DNAH2: variants seen among roughly 807,000 people sequenced by gnomAD.
DNAH2 encodes the protein axonemal beta dynein heavy chain 2.
A neutral mutation model predicts 523.5 loss-of-function variants in DNAH2; 323 were observed. The observed-to-expected ratio is 0.62, with a 90% confidence interval of 0.56 to 0.68. The LOEUF (loss-of-function observed/expected upper bound fraction) is 0.68. Ranked by LOEUF, DNAH2 falls within the 30% of genes least tolerant of loss-of-function variation. DNAH2 has a pLI of 0.00. For missense variants in DNAH2, 4,907 were observed against 5,701.5 expected, an observed-to-expected ratio of 0.86 and a Z score of 4.49; for synonymous variants, 2,093 against 2,177.4, an observed-to-expected ratio of 0.96 and a Z score of 1.08.
rs773070889 is a variant in DNAH2 at position 7,774,873 on chromosome 17, A to C, written c.4616A>C (p.Asn1539Thr). 2 of 1,614,222 alleles carry C rather than the reference A, an allele frequency of 1.2e-6. No individual in the cohort carries two copies. The highest frequency in any genetic ancestry group is 3.3e-5 in the Admixed American group (2 of 60,020). Residue 1539 changes from asparagine to threonine, a missense_variant, in exon 29 of 86, where the codon AAT becomes ACT. Physicochemically the swap from Asn to Thr is moderately conservative, Grantham distance 65. Coordinates refer to ENST00000572933, the MANE Select transcript of DNAH2 (RefSeq NM_020877.5). The stretch of plus-strand genomic sequence containing the variant: ...TTCCCCCGCTTCTACTTCTTGTCCA[A>C]TGATGACCTGCTGGAGATTCTGGGC... ...HIFPRFYFLSNDDLLEILGQS... is the reference protein window; with the variant it reads ...HIFPRFYFLSTDDLLEILGQS...
At position 7,768,256 on chromosome 17, in the gene DNAH2, C is replaced by T. The variant is rs749665113; in HGVS notation, c.3930C>T (p.Ala1310=). 2.5e-6 allele frequency: 4 copies of T among 1,614,140 alleles called. No individual in the cohort carries two copies. Among genetic ancestry groups the T allele is most frequent in the East Asian group, 2.2e-5 (1 of 44,876 alleles). ...MPLISDLRNP[A]LRERHWDQVR... is the part of the protein sequence containing the mutation. ...TCATCTCAGACCTGCGGAACCCTGC[C>T]CTTAGAGAGAGGTGAGGCTTCTCCT... The change falls in exon 24 of 86, where the codon GCC becomes GCT. Residue 1310 remains alanine (A), a synonymous_variant. Coordinates refer to ENST00000572933, the MANE Select transcript of DNAH2 (RefSeq NM_020877.5).
At chr17:7,802,659 T>C (rs1362257434) in intron 58 of DNAH2, among the ~76,000 whole-genome samples, 1 of 152,050 alleles carries the variant, frequency 6.6e-6, no homozygotes, top group Non-Finnish European at 1.5e-5. Context: ...CAGATGCAAA[T>C]TTTTTTGCAA....
chr17:7,819,291 T>C lies in DNAH2; in HGVS notation c.10898T>C (p.Phe3633Ser). The change falls in exon 72 of 86, where the codon TTC becomes TCC. Residue 3633 changes from phenylalanine (F) to serine (S), a missense_variant. By Grantham distance (155) the Phe-to-Ser change is radical. Around this residue, in one of 3 missense-constraint regions of DNAH2, gnomAD observed 1,851 missense variants for 2,139.4 expected, o/e 0.87. Transcript: ENST00000572933. ...DMGCIDPMYQFSLDAYISLFI... is the reference protein window; with the variant it reads ...DMGCIDPMYQSSLDAYISLFI... Reference sequence around the variant, plus strand: ...GGCTGCATCGACCCCATGTACCAGTTCTCACTGGATGCCTACATCAGCCTC... The same window carrying C: ...GGCTGCATCGACCCCATGTACCAGTCCTCACTGGATGCCTACATCAGCCTC... The C allele has an allele frequency of 6.2e-7, 1 of 1,614,176 alleles. No homozygotes were observed. The highest frequency in any genetic ancestry group is 8.5e-7 in the Non-Finnish European group (1 of 1,180,022).
intron 84 of DNAH2, 60 bp from the exon 85 acceptor site, chr17:7,833,011 G>C (rs2078230407): frequency 1.9e-6 from 3 of 1,613,146 alleles, no homozygotes; most frequent in African/African-American, 2.7e-5. Context: ...GAGGGAGCAG[G>C]TCAGGGGCGC....
rs2151191159 is a variant in DNAH2 at position 7,757,202 on chromosome 17, T to C, written c.2016T>C (p.Arg672=). The part of the protein sequence containing the change: ...AERAEDLRIL[R]ENLLLVARDY... The stretch of plus-strand genomic sequence containing the variant: ...GAGCCGAGGACCTGCGCATTCTGCG[T>C]GAAAATCTGCTACTCGTTGCTAGAG... The change falls in exon 13 of 86, where the codon CGT becomes CGC. Residue 672 remains arginine, a synonymous_variant. Transcript: ENST00000572933. 2 of 1,614,180 alleles carry C rather than the reference T, an allele frequency of 1.2e-6. No homozygotes were observed. Among genetic ancestry groups the C allele is most frequent in the Non-Finnish European group, 1.7e-6 (2 of 1,180,018 alleles).
chr17:7,745,260 G>T (rs980933524), intron 12 of DNAH2, among the ~76,000 whole-genome samples: 5 of 152,090 alleles, frequency 3.3e-5, no homozygotes, highest in Admixed American at 1.3e-4. Context: ...CTCCCAAAGT[G>T]CTGGGATTAC....
intron 12 of DNAH2, chr17:7,743,667 A>C: frequency 3.2e-6 from 1 of 312,172 alleles, no homozygotes; most frequent in Non-Finnish European, 5.9e-6. Context: ...CTGCCTCAAA[A>C]ACAAAAATCA....
rs1478792842 is a variant in DNAH2 at position 7,832,276 on chromosome 17, G to A, written c.12727-303G>A. On this transcript the variant is annotated intron_variant, in intron 82 of 85. Transcript: ENST00000572933. This position sits in a 1 kb window ranked among gnomAD's most constrained non-coding sequence, Gnocchi z 4.3. ...CAATCTCAGCACTTTGGGAGGCTGAGGCGGGCAGATCACCTGAGTTTAGGA... is the reference window on the plus strand; with the variant it reads ...CAATCTCAGCACTTTGGGAGGCTGAAGCGGGCAGATCACCTGAGTTTAGGA... Among the ~76,000 whole-genome samples the A allele has an allele frequency of 6.6e-6, 1 of 152,140 alleles. No individual in the cohort carries two copies. Among genetic ancestry groups the A allele is most frequent in the East Asian group, 1.9e-4 (1 of 5,206 alleles).
chr17:7,772,141 T>G (rs1369405755), intron 28 of DNAH2, among the ~76,000 whole-genome samples: 1 of 152,014 alleles, frequency 6.6e-6, no homozygotes, highest in Non-Finnish European at 1.5e-5. Flanking sequence ...TGGGGGAGAC[T>G]GGGGTAGACA....
rs745780991 is a variant in DNAH2, at chr17:7,727,250, C to A, written c.357C>A (p.Asp119Glu). The change falls in exon 4 of 86, where the codon GAC becomes GAA. Residue 119 changes from aspartate (D) to glutamate (E), a missense_variant. Asp to Glu is a conservative substitution (Grantham distance 45, BLOSUM62 2). This residue lies in a region of DNAH2 where 2,806 missense variants were observed against 3,190.8 expected (regional missense o/e 0.88). Coordinates refer to ENST00000572933, the MANE Select transcript of DNAH2 (RefSeq NM_020877.5). ...PTESILTIFI[D>E]PCFGLKLELG... ...AATCCATCCTCACCATCTTCATTGA[C>A]CCTTGTTTTGGGCTGAAGCTAGAGC... 1 of 1,611,778 alleles carries A rather than the reference C, an allele frequency of 6.2e-7. No homozygotes were observed. Among genetic ancestry groups the A allele is most frequent in the Non-Finnish European group, 8.5e-7 (1 of 1,179,128 alleles).
At chr17:7,779,144 C>A in intron 35 of DNAH2, 99 bp from the exon 36 acceptor site, 1 of 1,427,124 alleles carries the variant, frequency 7.0e-7, no homozygotes, top group Non-Finnish European at 9.5e-7. Flanking sequence ...TGGAGGCCGC[C>A]TCGCCTATTG....
At chr17:7,772,523 G>T (rs114186635) in intron 28 of DNAH2, among the ~76,000 whole-genome samples, 2 of 152,190 alleles carry the variant, frequency 1.3e-5, no homozygotes, top group African/African-American at 4.8e-5. Flanking sequence ...GGGTCACTCA[G>T]GTTTGACTCA....
chr17:7,724,650 C>CA (rs1259686771), intron 3 of DNAH2, among the ~76,000 whole-genome samples: 4 of 150,200 alleles, frequency 2.7e-5, no homozygotes, highest in Admixed American at 6.6e-5. Flanking sequence ...CCCAAAAAAA[C>CA]AAAAAAACAA....
At chr17:7,823,408 G>C (rs746095591) in intron 73 of DNAH2, 34 bp from the exon 74 acceptor site, 28 of 1,596,858 alleles carry the variant, frequency 1.8e-5, no homozygotes, top group Non-Finnish European at 2.2e-5. Flanking sequence ...GTATTCCCAA[G>C]TCAATCCCTT....
At position 7,727,125 on chromosome 17, in the gene DNAH2, C is replaced by A. The variant is rs2074839747; in HGVS notation, c.232C>A (p.Pro78Thr). ...ESVEPEADVK[P>T]LFLSRAALTG... ...GCCCTCTGCTCTCCTTCTGTAGAAGCCCCTCTTCCTTTCCCGAGCTGCGCT... is the reference window on the plus strand; with the variant it reads ...GCCCTCTGCTCTCCTTCTGTAGAAGACCCTCTTCCTTTCCCGAGCTGCGCT... Residue 78 changes from proline to threonine, a missense_variant, in exon 4 of 86, where the codon CCC becomes ACC. Transcript: ENST00000572933. The A allele has an allele frequency of 5.1e-6, 8 of 1,558,204 alleles. No individual in the cohort carries two copies. The highest frequency in any genetic ancestry group is 6.9e-6 in the Non-Finnish European group (8 of 1,159,786).
chr17:7,763,717 T>C, intron 18 of DNAH2, 114 bp from the exon 19 acceptor site: 1 of 1,282,764 alleles, frequency 7.8e-7, no homozygotes, highest in Non-Finnish European at 1.1e-6. Context: ...AAGAACACTC[T>C]AGAACTGCTG....
chr17:7,817,718 G>T lies in DNAH2; in HGVS notation c.10169+9G>T. 3.7e-6 allele frequency: 6 copies of T among 1,614,184 alleles called. No homozygotes were observed. Among genetic ancestry groups the T allele is most frequent in the Non-Finnish European group, 5.1e-6 (6 of 1,180,024 alleles). Reference sequence around the variant, plus strand: ...GTCACCCGAGGCAACAGGTGAGGGTGCTGCTGGGCGTGGGGGCGGTACGGG... The same window carrying T: ...GTCACCCGAGGCAACAGGTGAGGGTTCTGCTGGGCGTGGGGGCGGTACGGG... On this transcript the variant is annotated intron_variant, in intron 66 of 85. Transcript: ENST00000572933.
rs759619936 is a variant in DNAH2, at chr17:7,765,618, C to G, written c.3511+53C>G. On this transcript the variant is annotated intron_variant, in intron 21 of 85. Coordinates refer to ENST00000572933, the MANE Select transcript of DNAH2 (RefSeq NM_020877.5). Reference sequence around the variant, plus strand: ...CTTTAGCCTTTGTTTAGAGACCCCGCCTTCCAAGCCCAGGTCCTGGGAAGG... The same window carrying G: ...CTTTAGCCTTTGTTTAGAGACCCCGGCTTCCAAGCCCAGGTCCTGGGAAGG... The G allele has an allele frequency of 5.1e-6, 8 of 1,562,482 alleles. No individual in the cohort carries two copies. The East Asian group carries it at 1.6e-4, about 31-fold the overall frequency.
Position 7,798,129 on chromosome 17 carries a change from A to G in DNAH2, c.8231-28A>G, listed in dbSNP as rs562774085. 3 of 1,561,256 alleles carry G rather than the reference A, an allele frequency of 1.9e-6. No homozygotes were observed. The South Asian group carries it at 3.6e-5, about 19-fold the overall frequency. On this transcript the variant is annotated intron_variant, in intron 53 of 85. Coordinates refer to ENST00000572933, the MANE Select transcript of DNAH2 (RefSeq NM_020877.5). The surrounding 1 kb of genome is among the most constrained non-coding windows in gnomAD (Gnocchi z 5.5). ...TCCCCTGAGTTTGCTCAGCCAACTCATTACCCTCACACCCACCCCACCCCC... is the reference window on the plus strand; with the variant it reads ...TCCCCTGAGTTTGCTCAGCCAACTCGTTACCCTCACACCCACCCCACCCCC...
Sources: gnomAD v4.1 joint callset for allele counts (sites outside exome capture counted in the v4.1 genomes callset) on GRCh38, gnomAD v4.1.1 for gene constraint, gnomAD v4.1.1 regional missense constraint, Gnocchi (gnomAD v3.1) non-coding constraint, MANE v1.5 for transcripts, NCBI Gene and HGNC (gene_info 2026-07-23, HGNC 2026-07-21) for gene names.